DNAJB6: variants seen among roughly 807,000 people sequenced by gnomAD.
DNAJB6 encodes the protein dnaJ homolog subfamily B member 6.
Under a neutral mutation model 42.7 loss-of-function variants are expected in DNAJB6, and 16 were observed. The observed-to-expected ratio is 0.37, with a 90% confidence interval of 0.25 to 0.57. The LOEUF (loss-of-function observed/expected upper bound fraction) is 0.57. DNAJB6 is among the 20% of genes least tolerant of loss of function. The probability of loss-of-function intolerance (pLI) is 0.74; values close to 1 mark genes in which losing one functional copy is unlikely to be tolerated. For missense variants in DNAJB6, 347 were observed against 416.8 expected, an observed-to-expected ratio of 0.83 and a Z score of 1.46; for synonymous variants, 170 against 163.5, an observed-to-expected ratio of 1.04 and a Z score of -0.30.
intron 7 of DNAJB6, 27 bp from the exon 8 acceptor site, chr7:157,385,514 G>T (rs1268826209): frequency 1.2e-6 from 2 of 1,608,252 alleles, no homozygotes; most frequent in Admixed American, 3.4e-5. Flanking sequence ...TACCAGAAAG[G>T]TTTTTAAATG....
chr7:157,339,437 T>A (rs6459762), intron 1 of DNAJB6, among the ~76,000 whole-genome samples: 107,117 of 150,652 alleles, frequency 0.71, 38,782 homozygotes, highest in African/African-American at 0.87. Context: ...AGCTGGGACT[T>A]CAAGCTTCCG....
intron 8 of DNAJB6, among the ~76,000 whole-genome samples, chr7:157,387,749 T>G (rs1224827687): frequency 6.6e-6 from 1 of 152,234 alleles, no homozygotes; most frequent in African/African-American, 2.4e-5. Flanking sequence ...AGGTAAAATA[T>G]GTTTGACTCC....
intron 8 of DNAJB6, among the ~76,000 whole-genome samples, chr7:157,399,187 C>A (rs369756140): frequency 2.1e-4 from 32 of 152,316 alleles, no homozygotes; most frequent in East Asian, 1.5e-3. Context: ...TGAGATCTTG[C>A]ACGAGTCAGG....
chr7:157,364,117 T>C (rs560070614), intron 3 of DNAJB6, among the ~76,000 whole-genome samples: 1 of 151,882 alleles, frequency 6.6e-6, no homozygotes, highest in South Asian at 2.1e-4. Context: ...TTTTTTTTTT[T>C]AAAGAACCCA....
intron 1 of DNAJB6, among the ~76,000 whole-genome samples, chr7:157,342,788 G>T (rs1404496630): frequency 6.6e-6 from 1 of 152,110 alleles, no homozygotes; most frequent in African/African-American, 2.4e-5. Flanking sequence ...GTTAAGCTTG[G>T]AAGTATCTAA....
At chr7:157,410,185 A>G in intron 9 of DNAJB6, 184 bp downstream of exon 9, 1 of 1,369,186 alleles carries the variant, frequency 7.3e-7, no homozygotes, top group Non-Finnish European at 9.5e-7. Flanking sequence ...GCCCCACGCC[A>G]CGGTGGCTCC....
intron 1 of DNAJB6, chr7:157,337,542 C>A (rs977260815): frequency 6.6e-6 from 1 of 152,236 alleles, no homozygotes; most frequent in Non-Finnish European, 1.5e-5. Context: ...AAGGCTCCCG[C>A]ACTCGCGTCT....
chr7:157,405,052 T>C (rs1047351655), intron 8 of DNAJB6, among the ~76,000 whole-genome samples: 4 of 152,186 alleles, frequency 2.6e-5, no homozygotes, highest in African/African-American at 9.6e-5. Flanking sequence ...TGCAGGCATG[T>C]TGAGCGCCAG....
At chr7:157,400,461 G>A (rs565062893) in intron 8 of DNAJB6, among the ~76,000 whole-genome samples, 2 of 152,306 alleles carry the variant, frequency 1.3e-5, no homozygotes, top group African/African-American at 2.4e-5. Flanking sequence ...TGTGGCCGTC[G>A]GCTCCATCCT....
intron 3 of DNAJB6, among the ~76,000 whole-genome samples, chr7:157,364,098 A>C (rs765926972): frequency 1.3e-5 from 2 of 152,048 alleles, no homozygotes; most frequent in Non-Finnish European, 1.5e-5. Context: ...TTTACAACAA[A>C]AAAAATTTTT....
chr7:157,410,139 GAGGT>G, intron 9 of DNAJB6, 138 bp downstream of exon 9: 1 of 1,413,110 alleles, frequency 7.1e-7, no homozygotes, highest in Non-Finnish European at 9.2e-7. Flanking sequence ...GGGGCGGGAG[GAGGT>G]AGCCTCGCTC....
At chr7:157,351,208 CTG>C (rs1798954096) in intron 1 of DNAJB6, among the ~76,000 whole-genome samples, 2 of 152,148 alleles carry the variant, frequency 1.3e-5, no homozygotes, top group African/African-American at 4.8e-5. Context: ...CATACCTGTC[CTG>C]TCTTTGAATA....
intron 3 of DNAJB6, among the ~76,000 whole-genome samples, chr7:157,364,103 A>T (rs998884084): frequency 1.5e-4 from 22 of 147,172 alleles, no homozygotes; most frequent in South Asian, 4.3e-4. Context: ...AACAAAAAAA[A>T]TTTTTTTTTT....
At chr7:157,398,931 A>T (rs187897334) in intron 8 of DNAJB6, among the ~76,000 whole-genome samples, 1 of 152,326 alleles carries the variant, frequency 6.6e-6, no homozygotes, top group East Asian at 1.9e-4. Context: ...ATTAGTGGTA[A>T]ATTTCCAAAG....
intron 9 of DNAJB6, chr7:157,412,967 T>C (rs184395077): frequency 6.6e-6 from 1 of 152,416 alleles, no homozygotes; most frequent in Admixed American, 6.5e-5. Flanking sequence ...TCTGGTGTGA[T>C]TGACAACGGG....
intron 8 of DNAJB6, among the ~76,000 whole-genome samples, chr7:157,400,000 T>A (rs745617369): frequency 6.6e-6 from 1 of 152,218 alleles, no homozygotes; most frequent in Non-Finnish European, 1.5e-5. Context: ...CAGCATGAGT[T>A]AAGTTTATGA....
At chr7:157,369,088 C>T (rs1799983904) in intron 5 of DNAJB6, 1 of 364,804 alleles carries the variant, frequency 2.7e-6, no homozygotes, top group Non-Finnish European at 5.4e-6. Flanking sequence ...TGGCCTCAAG[C>T]ATTTTCAGGG....
intron 8 of DNAJB6, among the ~76,000 whole-genome samples, chr7:157,391,543 G>A (rs943872764): frequency 2.6e-5 from 4 of 152,226 alleles, no homozygotes; most frequent in Non-Finnish European, 5.9e-5. Context: ...GGAAAGACAA[G>A]TTTCCCTCAG....
At chr7:157,367,870 A>AG (rs1354703929) in intron 5 of DNAJB6, among the ~76,000 whole-genome samples, 1 of 152,184 alleles carries the variant, frequency 6.6e-6, no homozygotes, top group Admixed American at 6.5e-5. Context: ...CAAAAAAAAA[A>AG]AAGTTAACAT....
Sources: allele counts gnomAD v4.1 joint callset (sites outside exome capture counted in the v4.1 genomes callset), GRCh38; gene constraint gnomAD v4.1.1; transcripts MANE v1.5; gene names NCBI Gene and HGNC (gene_info 2026-07-23, HGNC 2026-07-21).